Variants in SNTG1 observed in about 807,000 individuals in gnomAD.
SNTG1 encodes the protein syntrophin gamma 1.
A neutral mutation model predicts 74.7 loss-of-function variants in SNTG1; 39 were observed. The ratio of observed to expected loss-of-function variants is 0.52; its 90% CI spans 0.40 to 0.68. The LOEUF (loss-of-function observed/expected upper bound fraction) is 0.68, where lower values mean the gene tolerates loss of function less well. SNTG1 is among the 30% of genes least tolerant of loss of function. The pLI is 0.00. For synonymous variants in SNTG1, 254 were observed against 217.1 expected (o/e 1.17, Z -1.49); for missense variants, 685 against 609.5 (o/e 1.12, Z -1.30).
At chr8:50,478,554 T>C (rs1158136732) in intron 8 of SNTG1, among the ~76,000 whole-genome samples, 1 of 152,210 alleles carries the variant, frequency 6.6e-6, no homozygotes, top group Non-Finnish European at 1.5e-5. Flanking sequence ...ATTTCTGGGA[T>C]AACTCCTCTT....
intron 8 of SNTG1, among the ~76,000 whole-genome samples, chr8:50,487,241 G>T (rs1382583145): frequency 6.6e-6 from 1 of 152,170 alleles, no homozygotes; most frequent in African/African-American, 2.4e-5. Context: ...CTGTTGGTGG[G>T]ACTGTAAACT....
chr8:50,051,263 CACACACAA>C (rs1819547351), intron 1 of SNTG1, among the ~76,000 whole-genome samples: 1 of 151,532 alleles, frequency 6.6e-6, no homozygotes, highest in African/African-American at 2.4e-5. Flanking sequence ...CACACACACA[CACACACAA>C]ACAAACAAGA....
At chr8:49,934,280 GATCTATCTATCTATCTATCTATCTATCT>G (rs6150575) in intron 1 of SNTG1, among the ~76,000 whole-genome samples, 2 of 146,390 alleles carry the variant, frequency 1.4e-5, no homozygotes, top group African/African-American at 5.1e-5. Context: ...ATACTATATA[GATCTATCTATCTATCTATCTATCTATCT>G]ATCTATCTAT....
chr8:50,236,218 T>C (rs1027872259), intron 2 of SNTG1, among the ~76,000 whole-genome samples: 1 of 152,186 alleles, frequency 6.6e-6, no homozygotes, highest in Non-Finnish European at 1.5e-5. Flanking sequence ...CTTGCTCAGG[T>C]GTACTGAATA....
chr8:49,956,887 A>C (rs1340643465), intron 1 of SNTG1, among the ~76,000 whole-genome samples: 2 of 152,084 alleles, frequency 1.3e-5, no homozygotes, highest in East Asian at 1.9e-4. Flanking sequence ...CCCCTCCTCC[A>C]GCTTTATTTC....
At chr8:50,471,221 G>A (rs557211158) in intron 8 of SNTG1, among the ~76,000 whole-genome samples, 1 of 146,140 alleles carries the variant, frequency 6.8e-6, no homozygotes, top group South Asian at 2.2e-4. Flanking sequence ...AACATCCCAA[G>A]CAAGGTGTTT....
chr8:50,327,981 T>C (rs1392076317), intron 2 of SNTG1, among the ~76,000 whole-genome samples: 1 of 152,184 alleles, frequency 6.6e-6, no homozygotes, highest in Non-Finnish European at 1.5e-5. Context: ...TCTTTTATCT[T>C]TGTTGTCATT....
At chr8:50,251,166 A>G (rs1280742989) in intron 2 of SNTG1, among the ~76,000 whole-genome samples, 3 of 152,074 alleles carry the variant, frequency 2.0e-5, no homozygotes, top group African/African-American at 2.4e-5. Flanking sequence ...CACTATACCT[A>G]TAAGACTTTT....
At chr8:50,347,171 ACT>A (rs1471510364) in intron 2 of SNTG1, among the ~76,000 whole-genome samples, 1 of 152,128 alleles carries the variant, frequency 6.6e-6, no homozygotes, top group Non-Finnish European at 1.5e-5. Flanking sequence ...ACACAGGCTG[ACT>A]CTCTTGTTAG....
intron 1 of SNTG1, among the ~76,000 whole-genome samples, chr8:50,100,552 C>T (rs1332538347): frequency 6.6e-6 from 1 of 151,950 alleles, no homozygotes; most frequent in Non-Finnish European, 1.5e-5. Context: ...CAGTTTATTA[C>T]CTGTCAATTA....
At chr8:50,562,139 G>T (rs569830507) in intron 12 of SNTG1, among the ~76,000 whole-genome samples, 1 of 152,210 alleles carries the variant, frequency 6.6e-6, no homozygotes, top group South Asian at 2.1e-4. Flanking sequence ...ATTTTATCTT[G>T]GTTTCATCTT....
intron 1 of SNTG1, among the ~76,000 whole-genome samples, chr8:49,953,927 C>T (rs1809943412): frequency 6.6e-6 from 1 of 152,082 alleles, no homozygotes; most frequent in Non-Finnish European, 1.5e-5. Flanking sequence ...CTGCTTTTTC[C>T]TTCATGCACT....
chr8:50,298,715 G>C (rs1183131864), intron 2 of SNTG1, among the ~76,000 whole-genome samples: 1 of 152,140 alleles, frequency 6.6e-6, no homozygotes, highest in Admixed American at 6.6e-5. Flanking sequence ...AATGGCCATA[G>C]ATCTACTCCT....
chr8:50,457,923 T>C (rs1587693542), intron 8 of SNTG1: 1 of 152,240 alleles, frequency 6.6e-6, no homozygotes, highest in East Asian at 1.9e-4. Context: ...CTCAGAACAC[T>C]GGCAGCCGGT....
chr8:50,524,769 A>G (rs370564130), intron 9 of SNTG1, among the ~76,000 whole-genome samples: 1 of 152,170 alleles, frequency 6.6e-6, no homozygotes, highest in East Asian at 1.9e-4. Flanking sequence ...GCTATATGCA[A>G]ATACTACACC....
intron 17 of SNTG1, among the ~76,000 whole-genome samples, chr8:50,750,263 T>C (rs571917043): frequency 2.0e-5 from 3 of 152,142 alleles, no homozygotes; most frequent in Non-Finnish European, 2.9e-5. Context: ...AACTGAATTA[T>C]TGCAATCTCA....
intron 2 of SNTG1, among the ~76,000 whole-genome samples, chr8:50,309,079 TA>T (rs886134208): frequency 1.1e-3 from 164 of 150,502 alleles, no homozygotes; most frequent in South Asian, 3.2e-3. Flanking sequence ...TTAGAAGAAA[TA>T]AAAAAAAAAT....
chr8:50,223,857 A>G (rs766062918), intron 2 of SNTG1, among the ~76,000 whole-genome samples: 92 of 152,122 alleles, frequency 6.0e-4, no homozygotes, highest in Non-Finnish European at 3.2e-4. Flanking sequence ...TTAGCTACAC[A>G]AAAATAGTGA....
At chr8:50,626,194 T>A (rs2131076558) in intron 13 of SNTG1, among the ~76,000 whole-genome samples, 1 of 152,284 alleles carries the variant, frequency 6.6e-6, no homozygotes, top group South Asian at 2.1e-4. Context: ...ATAACACTCG[T>A]TTTACTATGA....
Sources: gnomAD v4.1 joint callset for allele counts (sites outside exome capture counted in the v4.1 genomes callset) on GRCh38, gnomAD v4.1.1 for gene constraint, MANE v1.5 for transcripts, NCBI Gene and HGNC (gene_info 2026-07-23, HGNC 2026-07-21) for gene names.